The following SLC25A48 variants were observed in gnomAD, a reference collection of about 807,000 sequenced individuals.
SLC25A48 encodes CTC-321K16.1.
A neutral mutation model predicts 32.2 loss-of-function variants in SLC25A48; 29 were observed. That is an observed-to-expected ratio of 0.90 (90% CI 0.67 to 1.23). The LOEUF is 1.23. Among genes scored for constraint, SLC25A48 ranks in the 50% most tolerant of loss-of-function variants. SLC25A48 has a pLI of 0.00. For synonymous variants in SLC25A48, 164 were observed against 172.3 expected (o/e 0.95, Z 0.38); for missense variants, 399 against 422.7 (o/e 0.94, Z 0.49).
chr5:135,726,516 A>G (rs1755092795), intron 3 of SLC25A48, among the ~76,000 whole-genome samples: 1 of 152,006 alleles, frequency 6.6e-6, no homozygotes, highest in African/African-American at 2.4e-5. Context: ...ACTGTTCTCC[A>G]TGTCTGTAAT....
intron 3 of SLC25A48, among the ~76,000 whole-genome samples, chr5:135,747,905 T>A (rs1353506894): frequency 6.6e-6 from 1 of 152,220 alleles, no homozygotes; most frequent in African/African-American, 2.4e-5. Flanking sequence ...ACTACTTTCC[T>A]AAGGTCACAC....
chr5:135,668,318 G>A (rs1330503273), intron 3 of SLC25A48, among the ~76,000 whole-genome samples: 1 of 152,210 alleles, frequency 6.6e-6, no homozygotes, highest in African/African-American at 2.4e-5. Flanking sequence ...ACGCAGCAAA[G>A]TTAAATGTAA....
At chr5:135,586,622 C>T (rs971695256) in intron 1 of SLC25A48, among the ~76,000 whole-genome samples, 7 of 152,128 alleles carry the variant, frequency 4.6e-5, no homozygotes, top group South Asian at 2.1e-4. Context: ...AGTGGGCATT[C>T]GTGCTCTGAT....
intron 1 of SLC25A48, among the ~76,000 whole-genome samples, chr5:135,607,349 A>T (rs1294739610): frequency 3.3e-5 from 5 of 152,212 alleles, no homozygotes; most frequent in Non-Finnish European, 7.3e-5. Flanking sequence ...AGACCAACTC[A>T]TTTCCATGCA....
intron 3 of SLC25A48, among the ~76,000 whole-genome samples, chr5:135,660,329 A>G (rs1178087307): frequency 2.0e-5 from 3 of 152,002 alleles, no homozygotes; most frequent in Non-Finnish European, 2.9e-5. Context: ...CCATAATCCA[A>G]CCCCACCCAA....
intron 3 of SLC25A48, among the ~76,000 whole-genome samples, chr5:135,670,961 G>T (rs1366065128): frequency 6.6e-6 from 1 of 152,170 alleles, no homozygotes; most frequent in Non-Finnish European, 1.5e-5. Context: ...TTTATGAAGC[G>T]ATGCCTAAAT....
rs1342956647 is a variant in SLC25A48 at position 135,779,515 on chromosome 5, G to GTTT, written c.-520-33008_-520-33007insTTT. On this transcript the variant is annotated intron_variant, in intron 3 of 10. Coordinates refer to the SLC25A48 transcript ENST00000646290. ...TGATATTACTCCCAATATTGCAGGG[G>GTTT]GTGTACATGCCCCCCTGTGATATTG... is the stretch of plus-strand genomic sequence containing the variant. 4.5e-3 allele frequency among the ~76,000 whole-genome samples: 535 copies of GTTT among 119,508 alleles called. 31 individuals are homozygous for GTTT. The highest frequency in any genetic ancestry group is 9.3e-3 in the Middle Eastern group (2 of 216). The allele number at this position is 119,508 out of a possible 152,430, so 78.4% of individuals were successfully genotyped here.
intron 3 of SLC25A48, among the ~76,000 whole-genome samples, chr5:135,776,718 T>A (rs950055414): frequency 6.6e-6 from 1 of 150,914 alleles, no homozygotes; most frequent in Non-Finnish European, 1.5e-5. Flanking sequence ...GTGATATTGT[T>A]CCTAAAACCC....
At chr5:135,735,801 T>C (rs934489129) in intron 3 of SLC25A48, among the ~76,000 whole-genome samples, 3 of 152,158 alleles carry the variant, frequency 2.0e-5, no homozygotes, top group Non-Finnish European at 2.9e-5. Flanking sequence ...GAGTTAGATA[T>C]TGGAATTCCT....
chr5:135,619,463 CT>C (rs1421465094), intron 1 of SLC25A48, among the ~76,000 whole-genome samples: 1 of 151,906 alleles, frequency 6.6e-6, no homozygotes, highest in Non-Finnish European at 1.5e-5. Flanking sequence ...ATTTTGAATT[CT>C]TTAGCTGGGA....
intron 3 of SLC25A48, among the ~76,000 whole-genome samples, chr5:135,717,207 A>G (rs891370683): frequency 1.3e-5 from 2 of 152,184 alleles, no homozygotes; most frequent in Non-Finnish European, 2.9e-5. Context: ...AGCTCTGGCA[A>G]GAAACTCGTC....
chr5:135,668,196 C>T (rs988030952), intron 3 of SLC25A48, among the ~76,000 whole-genome samples: 1 of 152,178 alleles, frequency 6.6e-6, no homozygotes, highest in African/African-American at 2.4e-5. Flanking sequence ...AATATTGGCA[C>T]TAACAAGCGG....
chr5:135,690,000 G>A (rs987946910), intron 3 of SLC25A48, among the ~76,000 whole-genome samples: 3 of 152,154 alleles, frequency 2.0e-5, no homozygotes, highest in African/African-American at 7.2e-5. Flanking sequence ...TGAGGAAAGA[G>A]CACTTATTTG....
chr5:135,672,824 T>A (rs574255633), intron 3 of SLC25A48, among the ~76,000 whole-genome samples: 1 of 152,208 alleles, frequency 6.6e-6, no homozygotes, highest in African/African-American at 2.4e-5. Context: ...AGATTATAAA[T>A]GTATCCATCA....
At chr5:135,680,971 A>ATTTTCT (rs1753882737) in intron 3 of SLC25A48, among the ~76,000 whole-genome samples, 1 of 150,778 alleles carries the variant, frequency 6.6e-6, no homozygotes, top group Non-Finnish European at 1.5e-5. Flanking sequence ...TCTGTGTTTC[A>ATTTTCT]TTTTCTTTTT....
chr5:135,743,889 G>A (rs1755569835), intron 3 of SLC25A48, among the ~76,000 whole-genome samples: 1 of 152,174 alleles, frequency 6.6e-6, no homozygotes, highest in Non-Finnish European at 1.5e-5. Context: ...TGTAACTTTA[G>A]GACTGTAACC....
intron 4 of SLC25A48, among the ~76,000 whole-genome samples, chr5:135,823,502 TC>T (rs1238328094): frequency 6.6e-6 from 1 of 152,184 alleles, no homozygotes; most frequent in Non-Finnish European, 1.5e-5. Flanking sequence ...CCTCTTTCCT[TC>T]CCTCCCACCC....
At chr5:135,615,640 C>G (rs1376531535) in intron 1 of SLC25A48, among the ~76,000 whole-genome samples, 1 of 152,082 alleles carries the variant, frequency 6.6e-6, no homozygotes, top group Non-Finnish European at 1.5e-5. Flanking sequence ...GCAGCCCGGC[C>G]GTATGGTAGA....
chr5:135,625,078 G>A (rs1752414579), intron 1 of SLC25A48, among the ~76,000 whole-genome samples: 1 of 152,032 alleles, frequency 6.6e-6, no homozygotes, highest in South Asian at 2.1e-4. Context: ...CAAGACAAGG[G>A]CCATAGCAGC....
Sources: allele counts gnomAD v4.1 joint callset (sites outside exome capture counted in the v4.1 genomes callset), GRCh38; gene constraint gnomAD v4.1.1; transcripts MANE v1.5; gene names NCBI Gene and HGNC (gene_info 2026-07-23, HGNC 2026-07-21).